Variants in PKNOX2 observed in about 807,000 individuals in gnomAD.
The protein encoded by PKNOX2 is homeobox protein PKNOX2.
A neutral mutation model predicts 53.1 loss-of-function variants in PKNOX2; 14 were observed. That is an observed-to-expected ratio of 0.26 (90% CI 0.17 to 0.41). The LOEUF is 0.41. PKNOX2 is among the 10% of genes least tolerant of loss of function. The pLI is 1.00. For synonymous variants in PKNOX2, 257 were observed against 242.8 expected, an observed-to-expected ratio of 1.06 and a Z score of -0.54; for missense variants, 496 against 602.8, an observed-to-expected ratio of 0.82 and a Z score of 1.85.
intron 2 of PKNOX2, among the ~76,000 whole-genome samples, chr11:125,329,525 C>T (rs1327080898): frequency 6.6e-6 from 1 of 152,142 alleles, no homozygotes; most frequent in Admixed American, 6.5e-5. Flanking sequence ...CCATGAGAAG[C>T]TTATAGTTTG....
Position 125,367,842 on chromosome 11 carries a change from G to T in PKNOX2, c.88-4G>T. On this transcript the variant is annotated splice_polypyrimidine_tract_variant and splice_region_variant and intron_variant, in intron 4 of 12. Coordinates refer to ENST00000298282, the MANE Select transcript of PKNOX2 (RefSeq NM_001382323.2). ...CCACCACCTCCCCTTTCTTCTCTCT[G>T]CAGATGACGGCAACCGCCCAGCCAC... 1 of 1,609,978 alleles carries T rather than the reference G, an allele frequency of 6.2e-7. No homozygotes were observed. Among genetic ancestry groups the T allele is most frequent in the Non-Finnish European group, 8.5e-7 (1 of 1,178,716 alleles).
At chr11:125,288,586 C>A (rs998228685) in intron 2 of PKNOX2, among the ~76,000 whole-genome samples, 1 of 152,214 alleles carries the variant, frequency 6.6e-6, no homozygotes, top group African/African-American at 2.4e-5. Context: ...CGTAGTCACC[C>A]TTTTATGTCT....
intron 7 of PKNOX2, among the ~76,000 whole-genome samples, chr11:125,409,070 A>C (rs562735623): frequency 1.8e-4 from 28 of 152,190 alleles, no homozygotes; most frequent in African/African-American, 4.8e-4. Context: ...CAGATGAGGA[A>C]CCGTGGCTAG....
chr11:125,178,589 G>GAAA (rs1565462296), intron 1 of PKNOX2, among the ~76,000 whole-genome samples: 3 of 33,206 alleles, frequency 9.0e-5, no homozygotes, highest in African/African-American at 4.9e-4. Context: ...AAGGAAGGAA[G>GAAA]GAAGGAAGGA....
intron 2 of PKNOX2, chr11:125,239,624 TACAG>T (rs1160788166): frequency 1.3e-5 from 2 of 152,246 alleles, no homozygotes; most frequent in Admixed American, 6.5e-5. Flanking sequence ...AGATTGCATC[TACAG>T]ACAGTCAGAG....
In PKNOX2 at chr11:125,380,581, A is replaced by G. The variant is rs147912748; in HGVS notation, c.228-4970A>G. 7.0e-4 allele frequency among the ~76,000 whole-genome samples: 107 copies of G among 152,278 alleles called. 2 individuals are homozygous for G. In the East Asian group the frequency reaches 0.017, roughly 24 times the overall value. On this transcript the variant is annotated intron_variant, in intron 5 of 12. Coordinates refer to ENST00000298282, the MANE Select transcript of PKNOX2 (RefSeq NM_001382323.2). ...TCGGCACTGGACACCAAGTGTCCAC[A>G]TCTCTGCTTCTAGCCCATGGAGGAT...
chr11:125,169,287 A>G (rs1163764606), intron 1 of PKNOX2, among the ~76,000 whole-genome samples: 1 of 152,192 alleles, frequency 6.6e-6, no homozygotes, highest in African/African-American at 2.4e-5. Flanking sequence ...TTTGTATAAA[A>G]CACTTCACGT....
intron 2 of PKNOX2, among the ~76,000 whole-genome samples, chr11:125,260,814 A>T (rs980148179): frequency 6.6e-6 from 1 of 152,142 alleles, no homozygotes; most frequent in African/African-American, 2.4e-5. Flanking sequence ...TATACAAGAG[A>T]TGTTTACTGA....
At chr11:125,171,786 G>A (rs779233255) in intron 1 of PKNOX2, among the ~76,000 whole-genome samples, 7 of 152,250 alleles carry the variant, frequency 4.6e-5, no homozygotes, top group Non-Finnish European at 1.0e-4. Context: ...GCTGCCTGCT[G>A]TGCACAGCCC....
At chr11:125,330,117 G>C (rs1003010615) in intron 2 of PKNOX2, 4 of 152,934 alleles carry the variant, frequency 2.6e-5, no homozygotes, top group African/African-American at 9.7e-5. Context: ...GCATGGAGGG[G>C]AGAAGGGCCC....
intron 1 of PKNOX2, among the ~76,000 whole-genome samples, chr11:125,214,599 A>T (rs538927624): frequency 6.6e-6 from 1 of 152,214 alleles, no homozygotes; most frequent in East Asian, 1.9e-4. Context: ...AAGTTGAGCC[A>T]TACCCTGGGC....
intron 1 of PKNOX2, among the ~76,000 whole-genome samples, chr11:125,176,943 G>A (rs1407724667): frequency 6.6e-6 from 1 of 152,208 alleles, no homozygotes; most frequent in African/African-American, 2.4e-5. Context: ...AGAAAATGCA[G>A]GCATCCCTTC....
chr11:125,328,431 T>C (rs962655893), intron 2 of PKNOX2, among the ~76,000 whole-genome samples: 1 of 152,050 alleles, frequency 6.6e-6, no homozygotes, highest in African/African-American at 2.4e-5. Flanking sequence ...ATGTGTGTTG[T>C]GTCTTTGATG....
At chr11:125,424,238 A>G (rs1209513753) in intron 10 of PKNOX2, among the ~76,000 whole-genome samples, 1 of 152,136 alleles carries the variant, frequency 6.6e-6, no homozygotes, top group African/African-American at 2.4e-5. Flanking sequence ...TAAGGGGAGC[A>G]GGGATAAAAA....
At chr11:125,297,063 T>C (rs1591517226) in intron 2 of PKNOX2, among the ~76,000 whole-genome samples, 3 of 152,330 alleles carry the variant, frequency 2.0e-5, no homozygotes, top group East Asian at 3.9e-4. Context: ...TATGAGTTAA[T>C]TGAAAGAGAA....
chr11:125,408,957 G>A (rs143160733), intron 7 of PKNOX2, among the ~76,000 whole-genome samples: 2 of 152,234 alleles, frequency 1.3e-5, no homozygotes, highest in East Asian at 3.9e-4. Flanking sequence ...CCATTTACCT[G>A]TCTCTAAATC....
chr11:125,402,799 C>A (rs1271925536), intron 7 of PKNOX2, among the ~76,000 whole-genome samples: 1 of 152,192 alleles, frequency 6.6e-6, no homozygotes, highest in Non-Finnish European at 1.5e-5. Context: ...CATCCTTCAT[C>A]CTTCCTCAGA....
intron 2 of PKNOX2, among the ~76,000 whole-genome samples, chr11:125,274,608 G>A (rs748083545): frequency 2.6e-5 from 4 of 152,274 alleles, no homozygotes; most frequent in Non-Finnish European, 5.9e-5. Context: ...AACACACGGG[G>A]ATGGAACATG....
At chr11:125,243,583 A>C (rs1374796303) in intron 2 of PKNOX2, among the ~76,000 whole-genome samples, 1 of 150,218 alleles carries the variant, frequency 6.7e-6, no homozygotes, top group African/African-American at 2.5e-5. Flanking sequence ...TACCAAGTTT[A>C]CTGCCATGAG....
Sources: gnomAD v4.1 joint callset for allele counts (sites outside exome capture counted in the v4.1 genomes callset) on GRCh38, gnomAD v4.1.1 for gene constraint, MANE v1.5 for transcripts, NCBI Gene and HGNC (gene_info 2026-07-23, HGNC 2026-07-21) for gene names.